The following IL1RAPL2 variants were observed in gnomAD, a reference collection of about 807,000 sequenced individuals.
The protein encoded by IL1RAPL2 is interleukin 1 receptor accessory protein like 2, also known as X-linked interleukin-1 receptor accessory protein-like 2.
A neutral mutation model predicts 44.1 loss-of-function variants in IL1RAPL2; 3 were observed. The ratio of observed to expected loss-of-function variants is 0.07; its 90% CI spans 0.03 to 0.18. The LOEUF (loss-of-function observed/expected upper bound fraction) is 0.18, where lower values mean the gene tolerates loss of function less well. Ranked by LOEUF, IL1RAPL2 falls within the 10% of genes least tolerant of loss-of-function variation. The probability of loss-of-function intolerance (pLI) is 1.00; values close to 1 mark genes in which losing one functional copy is unlikely to be tolerated. For synonymous variants in IL1RAPL2, 181 were observed against 178.8 expected (o/e 1.01, Z -0.10); for missense variants, 391 against 496.4 (o/e 0.79, Z 2.02).
chrX:104,694,430 T>C (rs1451205138), intron 2 of IL1RAPL2, among the ~76,000 whole-genome samples: 1 of 112,203 alleles, frequency 8.9e-6, no homozygotes, highest in Non-Finnish European at 1.9e-5. Context: ...ACCTGAAATA[T>C]AAGTATTTTG....
intron 2 of IL1RAPL2, among the ~76,000 whole-genome samples, chrX:105,158,730 G>C (rs2033293589): frequency 8.9e-6 from 1 of 111,928 alleles, no homozygotes; most frequent in Admixed American, 9.5e-5. Flanking sequence ...TAGATTTTCA[G>C]GGGGTGGCTT....
intron 5 of IL1RAPL2, among the ~76,000 whole-genome samples, chrX:105,285,035 G>A (rs2034560528): frequency 8.9e-6 from 1 of 112,135 alleles, no homozygotes; most frequent in Admixed American, 9.5e-5. Flanking sequence ...TCAGGTACCT[G>A]TTTCCAAGCT....
intron 1 of IL1RAPL2, among the ~76,000 whole-genome samples, chrX:104,646,536 G>A (rs1602660425): frequency 1.8e-5 from 2 of 110,720 alleles, no homozygotes; most frequent in African/African-American, 3.3e-5. Flanking sequence ...CATTTCAATG[G>A]TATCAGTCGG....
intron 2 of IL1RAPL2, among the ~76,000 whole-genome samples, chrX:104,776,415 G>A (rs767188343): frequency 8.9e-6 from 1 of 112,085 alleles, no homozygotes; most frequent in African/African-American, 3.2e-5. Flanking sequence ...TCTTGGCTTT[G>A]ACACTAAGTT....
At chrX:104,998,074 A>G (rs1380435318) in intron 2 of IL1RAPL2, among the ~76,000 whole-genome samples, 2 of 111,249 alleles carry the variant, frequency 1.8e-5, no homozygotes, top group Non-Finnish European at 3.8e-5. Flanking sequence ...GTCCTGGGGC[A>G]TGATATCATA....
intron 2 of IL1RAPL2, among the ~76,000 whole-genome samples, chrX:105,041,228 A>G (rs1353058267): frequency 9.0e-6 from 1 of 111,375 alleles, no homozygotes. Context: ...GTTTGATTGC[A>G]CTGTGGTCTG....
At chrX:105,236,160 C>T (rs782187313) in intron 4 of IL1RAPL2, among the ~76,000 whole-genome samples, 24 of 112,162 alleles carry the variant, frequency 2.1e-4, no homozygotes, top group Non-Finnish European at 3.8e-4. Flanking sequence ...TCAACTTTCC[C>T]TTATAAGAGT....
intron 6 of IL1RAPL2, among the ~76,000 whole-genome samples, chrX:105,522,422 C>G (rs2036566140): frequency 8.9e-6 from 1 of 112,353 alleles, no homozygotes; most frequent in East Asian, 2.8e-4. Context: ...TATTTAGAAA[C>G]AAGTAAAATG....
At chrX:105,213,672 A>G (rs1222535118) in intron 3 of IL1RAPL2, among the ~76,000 whole-genome samples, 1 of 110,854 alleles carries the variant, frequency 9.0e-6, no homozygotes, top group East Asian at 2.9e-4. Flanking sequence ...AAGACACATA[A>G]TCGTCAGATT....
At chrX:104,903,557 G>A (rs1225612875) in intron 2 of IL1RAPL2, among the ~76,000 whole-genome samples, 1 of 111,308 alleles carries the variant, frequency 9.0e-6, no homozygotes, top group Non-Finnish European at 1.9e-5. Context: ...GAGGTCAGTT[G>A]TAGTATTGCT....
intron 2 of IL1RAPL2, among the ~76,000 whole-genome samples, chrX:104,749,148 C>G (rs1932218726): frequency 9.0e-6 from 1 of 110,830 alleles, no homozygotes; most frequent in Admixed American, 9.6e-5. Flanking sequence ...TGTTAGGATT[C>G]CAGGAGAATA....
intron 1 of IL1RAPL2, among the ~76,000 whole-genome samples, chrX:104,633,589 A>T (rs1348928411): frequency 9.0e-6 from 1 of 111,615 alleles, no homozygotes. Flanking sequence ...TGTGTCAAGG[A>T]ATTTATCTAT....
At chrX:104,570,521 C>T (rs1367583607) in intron 1 of IL1RAPL2, among the ~76,000 whole-genome samples, 1 of 111,415 alleles carries the variant, frequency 9.0e-6, no homozygotes, top group Admixed American at 9.5e-5. Flanking sequence ...GACACCCCAC[C>T]TCTATTTTAA....
intron 6 of IL1RAPL2, among the ~76,000 whole-genome samples, chrX:105,618,619 C>T (rs563319535): frequency 4.5e-5 from 5 of 111,368 alleles, no homozygotes; most frequent in African/African-American, 1.6e-4. Flanking sequence ...GAGTCATAAT[C>T]TCTCTGATTC....
chrX:105,024,385 ATATGTATAC>A, intron 2 of IL1RAPL2, among the ~76,000 whole-genome samples: 1 of 111,519 alleles, frequency 9.0e-6, no homozygotes, highest in Middle Eastern at 4.6e-3. Context: ...TCTTTATATC[ATATGTATAC>A]AACACTTTCT....
At chrX:104,663,295 G>A (rs1024136139) in intron 2 of IL1RAPL2, among the ~76,000 whole-genome samples, 1 of 111,189 alleles carries the variant, frequency 9.0e-6, no homozygotes, top group Non-Finnish European at 1.9e-5. Context: ...AGCTAGAAAG[G>A]GACTCTTATA....
intron 1 of IL1RAPL2, among the ~76,000 whole-genome samples, chrX:104,581,203 G>A (rs1252654001): frequency 8.9e-6 from 1 of 111,779 alleles, no homozygotes; most frequent in Non-Finnish European, 1.9e-5. Context: ...ATTTTCAGAA[G>A]CAAAAGGAGC....
At chrX:105,090,004 T>A (rs1468537270) in intron 2 of IL1RAPL2, among the ~76,000 whole-genome samples, 1 of 111,621 alleles carries the variant, frequency 9.0e-6, no homozygotes, top group Non-Finnish European at 1.9e-5. Context: ...GTCTTATTTT[T>A]AAAGTAGGGG....
At chrX:105,632,997 G>A (rs889887347) in intron 6 of IL1RAPL2, among the ~76,000 whole-genome samples, 4 of 111,624 alleles carry the variant, frequency 3.6e-5, no homozygotes, top group South Asian at 3.7e-4. Flanking sequence ...AAGGTACACC[G>A]TCAACACATT....
Sources: allele counts gnomAD v4.1 joint callset (sites outside exome capture counted in the v4.1 genomes callset), GRCh38; gene constraint gnomAD v4.1.1; transcripts MANE v1.5; gene names NCBI Gene and HGNC (gene_info 2026-07-23, HGNC 2026-07-21).